RAD51: variants seen among roughly 807,000 people sequenced by gnomAD.
RAD51 encodes the protein RAD51 recombinase, also known as DNA repair protein RAD51 homolog 1.
In RAD51, 14 loss-of-function variants were observed where a neutral mutation model predicts 41.5. That is an observed-to-expected ratio of 0.34 (90% CI 0.22 to 0.53). RAD51 has a LOEUF of 0.53. RAD51 is among the 20% of genes least tolerant of loss of function. RAD51 has a pLI of 0.95. For synonymous variants in RAD51, 136 were observed against 148.6 expected, an observed-to-expected ratio of 0.92 and a Z score of 0.62; for missense variants, 234 against 422.0, an observed-to-expected ratio of 0.55 and a Z score of 3.90.
intron 4 of RAD51, among the ~76,000 whole-genome samples, chr15:40,708,577 A>ATTTG (rs45626433): frequency 0.016 from 2,401 of 150,048 alleles, 60 homozygotes; most frequent in African/African-American, 0.056. Flanking sequence ...CTTTTGGTTT[A>ATTTG]TTTGTTTGTT....
rs45537231 is a variant in RAD51 at position 40,700,453 on chromosome 15, A to G, written c.88-611A>G. 4.9e-4 allele frequency among the ~76,000 whole-genome samples: 74 copies of G among 152,308 alleles called. 1 individual carries two copies. In the East Asian group the frequency reaches 0.013, roughly 28 times the overall value. On this transcript the variant is annotated intron_variant, in intron 2 of 9. Transcript: ENST00000267868. ...ATTTACCCTACCATAGTGTAAAAAT[A>G]CAGTTTTTTATGTGTGCTTGATGTG... is the stretch of plus-strand genomic sequence containing the variant.
chr15:40,716,557 G>C (rs1341313264), intron 5 of RAD51, among the ~76,000 whole-genome samples: 1 of 151,502 alleles, frequency 6.6e-6, no homozygotes, highest in Non-Finnish European at 1.5e-5. Flanking sequence ...GTAGAGACAG[G>C]GTTTCACCAT....
At chr15:40,708,820 C>T (rs1895516723) in intron 4 of RAD51, among the ~76,000 whole-genome samples, 2 of 152,156 alleles carry the variant, frequency 1.3e-5, no homozygotes. Context: ...GCAATCCACC[C>T]ACCTAAGCTT....
chr15:40,701,619 T>C (rs1352406173), intron 3 of RAD51, among the ~76,000 whole-genome samples: 2 of 151,844 alleles, frequency 1.3e-5, no homozygotes, highest in African/African-American at 4.8e-5. Context: ...TGTGAGCTAC[T>C]GTGCCTGGCC....
rs1302486714 is a variant in RAD51, at chr15:40,701,100, G to T, written c.124G>T (p.Glu42Ter). Residue 42 changes from glutamate to a stop codon, truncating the protein, a stop_gained, in exon 3 of 10, where the codon GAA (glutamate) becomes TAA (stop). Coordinates refer to ENST00000267868, the MANE Select transcript of RAD51 (RefSeq NM_002875.5). LOFTEE classifies it high-confidence loss of function. Reference protein sequence around the residue: ...GINANDVKKLEEAGFHTVEAV... With the variant: ...GINANDVKKL ...AAATGCCAACGATGTGAAGAAATTG[G>T]AAGAAGCTGGATTCCATACTGTGGA... is the stretch of plus-strand genomic sequence containing the variant. The T allele has an allele frequency of 6.2e-7, 1 of 1,614,222 alleles. No individual in the cohort carries two copies.
At chr15:40,730,520 C>CTTTT (rs778467789) in intron 9 of RAD51, among the ~76,000 whole-genome samples, 3 of 113,100 alleles carry the variant, frequency 2.7e-5, no homozygotes, top group African/African-American at 8.0e-5. Flanking sequence ...AATTTTTTTT[C>CTTTT]TTTTTTTTTT....
At chr15:40,725,957 G>C (rs1418549808) in intron 6 of RAD51, among the ~76,000 whole-genome samples, 2 of 151,836 alleles carry the variant, frequency 1.3e-5, no homozygotes, top group Admixed American at 1.3e-4. Flanking sequence ...CTGTACTCCA[G>C]ACTGGGCGAC....
chr15:40,695,370 C>G lies in RAD51; in HGVS notation c.-58C>G, dbSNP rs567960547. On this transcript the variant is annotated 5_prime_UTR_variant, in exon 1 of 10. Coordinates refer to ENST00000267868, the MANE Select transcript of RAD51 (RefSeq NM_002875.5). ...GTGCGGGTCGGGCGCGTGCCACGCCCGCGGGGTGAAGTCGGAGCGCGGGGC... is the reference window on the plus strand; with the variant it reads ...GTGCGGGTCGGGCGCGTGCCACGCCGGCGGGGTGAAGTCGGAGCGCGGGGC... 1.7e-4 allele frequency: 26 copies of G among 153,006 alleles called. No individual in the cohort carries two copies. Among genetic ancestry groups the G allele is most frequent in the Non-Finnish European group, 3.2e-4 (22 of 68,738 alleles). The allele number at this position is 153,006 out of a possible 1,614,324, so 9.5% of individuals were successfully genotyped here.
At chr15:40,697,297 T>G (rs1894703001) in intron 1 of RAD51, among the ~76,000 whole-genome samples, 1 of 152,060 alleles carries the variant, frequency 6.6e-6, no homozygotes, top group South Asian at 2.1e-4. Flanking sequence ...AGAGACAGGA[T>G]TTCTCCATGT....
chr15:40,703,851 T>A (rs772857092), intron 3 of RAD51, among the ~76,000 whole-genome samples: 6 of 152,058 alleles, frequency 3.9e-5, no homozygotes, highest in Non-Finnish European at 5.9e-5. Flanking sequence ...ATTATTTCCA[T>A]CTTTCTGCTT....
intron 6 of RAD51, among the ~76,000 whole-genome samples, chr15:40,721,870 TG>T (rs1157157575): frequency 1.3e-5 from 2 of 152,206 alleles, no homozygotes; most frequent in East Asian, 3.8e-4. Context: ...CTCAGATACT[TG>T]GACAGCGATG....
chr15:40,703,560 A>T (rs1057075892), intron 3 of RAD51, among the ~76,000 whole-genome samples: 19 of 152,070 alleles, frequency 1.2e-4, no homozygotes, highest in African/African-American at 3.6e-4. Context: ...TTGGTAGTTT[A>T]TCTTTCTAAG....
chr15:40,701,996 A>T (rs1895035498), intron 3 of RAD51: 2 of 226,442 alleles, frequency 8.8e-6, no homozygotes, highest in Admixed American at 1.1e-4. Flanking sequence ...GTTGGCCAGG[A>T]TGGTCTCGAT....
At chr15:40,713,994 C>CTTTTTTTTTTT (rs749995356) in intron 5 of RAD51, among the ~76,000 whole-genome samples, 15 of 114,928 alleles carry the variant, frequency 1.3e-4, no homozygotes, top group African/African-American at 2.0e-4. Flanking sequence ...GAAATAAATT[C>CTTTTTTTTTTT]TTTTTTTTTT....
chr15:40,712,494 A>G (rs1263259721), intron 5 of RAD51, among the ~76,000 whole-genome samples: 1 of 152,172 alleles, frequency 6.6e-6, no homozygotes, highest in Non-Finnish European at 1.5e-5. Context: ...AAAGCTAACA[A>G]ACTTTCATCT....
At chr15:40,717,949 TGGCCAG>T (rs1896066826) in intron 5 of RAD51, among the ~76,000 whole-genome samples, 1 of 152,172 alleles carries the variant, frequency 6.6e-6, no homozygotes, top group African/African-American at 2.4e-5. Flanking sequence ...ATTTTATTAC[TGGCCAG>T]GTGTGGTGGC....
At chr15:40,725,673 T>C (rs1896543769) in intron 6 of RAD51, among the ~76,000 whole-genome samples, 1 of 152,146 alleles carries the variant, frequency 6.6e-6, no homozygotes, top group Non-Finnish European at 1.5e-5. Flanking sequence ...AATCAGATAC[T>C]CGGGCTAGCA....
At chr15:40,729,312 G>A (rs553478347) in intron 7 of RAD51, among the ~76,000 whole-genome samples, 193 bp from the exon 8 acceptor site, 1 of 140,150 alleles carries the variant, frequency 7.1e-6, no homozygotes, top group Admixed American at 7.9e-5. Flanking sequence ...GGCAGAGCTT[G>A]CAGTGAGCCA....
At chr15:40,704,123 G>T (rs975384394) in intron 3 of RAD51, among the ~76,000 whole-genome samples, 1 of 151,972 alleles carries the variant, frequency 6.6e-6, no homozygotes, top group African/African-American at 2.4e-5. Flanking sequence ...GCCCAGGCTG[G>T]AGTGCAGTGG....
Sources: allele counts gnomAD v4.1 joint callset (sites outside exome capture counted in the v4.1 genomes callset), GRCh38; gene constraint gnomAD v4.1.1; transcripts MANE v1.5; gene names NCBI Gene and HGNC (gene_info 2026-07-23, HGNC 2026-07-21).